Variants in ALCAM observed in about 807,000 individuals in gnomAD.
The protein encoded by ALCAM is activated leukocyte cell adhesion molecule, also known as CD166 antigen.
ALCAM carries 30 observed loss-of-function variants against 70.9 expected under a neutral mutation model. The ratio of observed to expected loss-of-function variants is 0.42; its 90% CI spans 0.32 to 0.57. The LOEUF is 0.57. ALCAM is among the 20% of genes least tolerant of loss of function. The pLI is 0.11. For missense variants in ALCAM, 591 were observed against 695.1 expected, an observed-to-expected ratio of 0.85 and a Z score of 1.68; for synonymous variants, 249 against 242.5, an observed-to-expected ratio of 1.03 and a Z score of -0.25.
At chr3:105,508,008 T>G (rs901278) in intron 1 of ALCAM, among the ~76,000 whole-genome samples, 72,221 of 151,886 alleles carry the variant, frequency 0.48, 17,741 homozygotes, top group East Asian at 0.8. Context: ...ATCTGAAAGA[T>G]GCCTATCTTC....
rs767548203 is a variant in ALCAM, at chr3:105,524,298, G to A, written c.184G>A (p.Asp62Asn). 21 of 1,612,752 alleles carry A rather than the reference G, an allele frequency of 1.3e-5. No individual in the cohort carries two copies. Among genetic ancestry groups the A allele is most frequent in the Middle Eastern group, 3.3e-4 (2 of 6,082 alleles). ...TTATTTTAATTTTTAGGAAAAGCCCGATGGCTCCCCAGTATTTATTGCCTT... is the reference window on the plus strand; with the variant it reads ...TTATTTTAATTTTTAGGAAAAGCCCAATGGCTCCCCAGTATTTATTGCCTT... ...MFGKWKYEKPDGSPVFIAFRS... is the reference protein window; with the variant it reads ...MFGKWKYEKPNGSPVFIAFRS... The change falls in exon 3 of 16, where the codon GAT (aspartate) becomes AAT (asparagine). Residue 62 changes from aspartate (D) to asparagine (N), a missense_variant. Transcript: ENST00000306107.
intron 14 of ALCAM, among the ~76,000 whole-genome samples, chr3:105,554,292 G>A (rs1358676810): frequency 6.6e-6 from 1 of 151,880 alleles, no homozygotes; most frequent in Non-Finnish European, 1.5e-5. Context: ...TAAAACCCAG[G>A]AAGAACTAAT....
chr3:105,445,977 A>C (rs1330209616), intron 1 of ALCAM, among the ~76,000 whole-genome samples: 1 of 152,220 alleles, frequency 6.6e-6, no homozygotes, highest in Non-Finnish European at 1.5e-5. Flanking sequence ...AAATAGCAAA[A>C]TGGAATTACA....
At position 105,556,234 on chromosome 3, in the gene ALCAM, G is replaced by A. The variant is rs533522465; in HGVS notation, c.1664+3649G>A. On this transcript the variant is annotated intron_variant, in intron 14 of 15. Coordinates refer to ENST00000306107, the MANE Select transcript of ALCAM (RefSeq NM_001627.4). ...GTTAAAGGAAAAATGTAAAGGCAGA[G>A]TGATGTAGCCACAAACTTCTTCACA... Among the ~76,000 whole-genome samples the A allele has an allele frequency of 1.7e-3, 265 of 152,072 alleles. 1 individual carries two copies. The highest frequency in any genetic ancestry group is 6.1e-3 in the African/African-American group (252 of 41,532).
intron 1 of ALCAM, among the ~76,000 whole-genome samples, chr3:105,439,638 A>G (rs991562194): frequency 6.6e-6 from 1 of 152,214 alleles, no homozygotes; most frequent in Non-Finnish European, 1.5e-5. Context: ...TTGAAGTTCT[A>G]CCATTCTGAA....
chr3:105,468,486 TA>T (rs2152601708), intron 1 of ALCAM, among the ~76,000 whole-genome samples: 1 of 151,412 alleles, frequency 6.6e-6, no homozygotes, highest in African/African-American at 2.4e-5. Context: ...TAATTTGTCA[TA>T]AAAGAATATA....
At chr3:105,403,732 C>A (rs955033302) in intron 1 of ALCAM, among the ~76,000 whole-genome samples, 2 of 151,640 alleles carry the variant, frequency 1.3e-5, no homozygotes, top group Non-Finnish European at 2.9e-5. Flanking sequence ...CAAACCAAGA[C>A]AAAATTCTCT....
At chr3:105,393,875 C>T (rs1935884239) in intron 1 of ALCAM, among the ~76,000 whole-genome samples, 1 of 149,946 alleles carries the variant, frequency 6.7e-6, no homozygotes, top group Non-Finnish European at 1.5e-5. Context: ...TATTTATTTC[C>T]ATGAAGATAC....
At chr3:105,542,508 T>A (rs1940144859) in intron 8 of ALCAM, among the ~76,000 whole-genome samples, 1 of 151,780 alleles carries the variant, frequency 6.6e-6, no homozygotes, top group African/African-American at 2.4e-5. Flanking sequence ...ACACTAGAAT[T>A]CAGAGTGCTT....
intron 1 of ALCAM, among the ~76,000 whole-genome samples, chr3:105,480,387 A>T (rs1044760484): frequency 6.7e-6 from 1 of 148,672 alleles, no homozygotes; most frequent in Non-Finnish European, 1.5e-5. Flanking sequence ...ATAAATAAAT[A>T]AATTGCTGCT....
At chr3:105,391,615 C>T (rs759685184) in intron 1 of ALCAM, among the ~76,000 whole-genome samples, 16 of 151,962 alleles carry the variant, frequency 1.1e-4, no homozygotes, top group Non-Finnish European at 2.1e-4. Context: ...CCAGAACTTC[C>T]AGTACTATGT....
intron 6 of ALCAM, among the ~76,000 whole-genome samples, chr3:105,536,656 A>G (rs1212180418): frequency 2.0e-5 from 3 of 152,150 alleles, no homozygotes; most frequent in African/African-American, 7.2e-5. Flanking sequence ...AGTGGGCTTC[A>G]TGGTGAAAAC....
rs1279678795 is a variant in ALCAM, at chr3:105,575,367, C to T, written c.*916C>T. On this transcript the variant is annotated 3_prime_UTR_variant, in exon 16 of 16. Transcript: ENST00000306107. ...GTTATCCACTGCCTTAAAATTATAC[C>T]TATTTCATGTTTAAAAAGATATCAA... The T allele has an allele frequency of 6.6e-6, 1 of 152,446 alleles. No individual in the cohort carries two copies. The highest frequency in any genetic ancestry group is 1.5e-5 in the Non-Finnish European group (1 of 68,000). The allele number at this position is 152,446 out of a possible 1,614,324, so 9.4% of individuals were successfully genotyped here.
At chr3:105,513,384 T>C (rs572127546) in intron 1 of ALCAM, 1 of 152,012 alleles carries the variant, frequency 6.6e-6, no homozygotes, top group Admixed American at 6.6e-5. Flanking sequence ...TCTGTGTACT[T>C]TTTTCCATCT....
At chr3:105,405,496 C>G (rs1936205678) in intron 1 of ALCAM, among the ~76,000 whole-genome samples, 1 of 152,006 alleles carries the variant, frequency 6.6e-6, no homozygotes, top group African/African-American at 2.4e-5. Context: ...GACAGGTCAT[C>G]AAGACAGAAC....
At position 105,367,441 on chromosome 3, in the gene ALCAM, G is replaced by C. The variant is rs1415022861; in HGVS notation, c.33G>C (p.Leu11=). The change falls in exon 1 of 16, where the codon CTG becomes CTC. Residue 11 remains leucine, a synonymous_variant. Coordinates refer to ENST00000306107, the MANE Select transcript of ALCAM (RefSeq NM_001627.4). The part of the protein sequence containing the change: MESKGASSCR[L]LFCLLISATV... Reference sequence around the variant, plus strand: ...CCAAGGGGGCCAGTTCCTGCCGTCTGCTCTTCTGCCTCTTGATCTCCGCCA... The same window carrying C: ...CCAAGGGGGCCAGTTCCTGCCGTCTCCTCTTCTGCCTCTTGATCTCCGCCA... 1 of 1,613,994 alleles carries C rather than the reference G, an allele frequency of 6.2e-7. No homozygotes were observed. Among genetic ancestry groups the C allele is most frequent in the Admixed American group, 1.7e-5 (1 of 60,014 alleles).
In ALCAM at chr3:105,571,975, T is replaced by C. The variant is rs777637978; in HGVS notation, c.*25+11T>C. On this transcript the variant is annotated intron_variant, in intron 15 of 15. Coordinates refer to ENST00000306107, the MANE Select transcript of ALCAM (RefSeq NM_001627.4). Reference sequence around the variant, plus strand: ...GTCCTAGTTGTCCAGGTGAGTAGTCTGTACGAGGTTCATAGAAATAATTCC... The same window carrying C: ...GTCCTAGTTGTCCAGGTGAGTAGTCCGTACGAGGTTCATAGAAATAATTCC... 1.4e-6 allele frequency: 2 copies of C among 1,463,798 alleles called. No homozygotes were observed. The highest frequency in any genetic ancestry group is 1.9e-5 in the Admixed American group (1 of 52,952). The allele number at this position is 1,463,798 out of a possible 1,614,324, so 90.7% of individuals were successfully genotyped here.
intron 1 of ALCAM, among the ~76,000 whole-genome samples, chr3:105,511,677 A>G (rs1301667297): frequency 6.6e-6 from 1 of 152,052 alleles, no homozygotes; most frequent in Admixed American, 6.6e-5. Flanking sequence ...ACTACTTACC[A>G]TGTTTGATTG....
intron 1 of ALCAM, among the ~76,000 whole-genome samples, chr3:105,492,555 A>C (rs1576199258): frequency 6.6e-6 from 1 of 152,240 alleles, no homozygotes; most frequent in African/African-American, 2.4e-5. Flanking sequence ...TTTGCAAGAT[A>C]TCATTAGTCT....
Sources: gnomAD v4.1 joint callset for allele counts (sites outside exome capture counted in the v4.1 genomes callset) on GRCh38, gnomAD v4.1.1 for gene constraint, MANE v1.5 for transcripts, NCBI Gene and HGNC (gene_info 2026-07-23, HGNC 2026-07-21) for gene names.